MADD: variants seen among roughly 807,000 people sequenced by gnomAD.
MADD encodes MAP kinase-activating death domain protein.
MADD carries 109 observed loss-of-function variants against 176.7 expected under a neutral mutation model. The ratio of observed to expected loss-of-function variants is 0.62; its 90% CI spans 0.53 to 0.72. The LOEUF (loss-of-function observed/expected upper bound fraction) is 0.72, where lower values mean the gene tolerates loss of function less well. MADD is among the 30% of genes least tolerant of loss of function. MADD has a pLI of 0.00. For synonymous variants in MADD, 771 were observed against 771.3 expected (o/e 1.00, Z 0.01); for missense variants, 1,914 against 2,045.5 (o/e 0.94, Z 1.24).
chr11:47,295,217 G>T (rs1488375065), intron 20 of MADD, among the ~76,000 whole-genome samples: 2 of 152,000 alleles, frequency 1.3e-5, no homozygotes, highest in African/African-American at 2.4e-5. Flanking sequence ...TCGCCATGTT[G>T]CCCAGCCTGG....
At chr11:47,290,408 C>T in intron 18 of MADD, 109 bp downstream of exon 19, 1 of 1,424,642 alleles carries the variant, frequency 7.0e-7, no homozygotes, top group Non-Finnish European at 9.4e-7. Context: ...CACGCTGCTT[C>T]CCATTAGGCT....
chr11:47,329,851 G>C (rs942284511), exon 33 of MADD: 1 of 152,604 alleles, frequency 6.6e-6, no homozygotes, highest in Non-Finnish European at 1.5e-5. Flanking sequence ...CATCAGGGAG[G>C]GGGCAGGAAA....
chr11:47,280,299 G>A (rs1405079092), intron 7 of MADD, among the ~76,000 whole-genome samples: 1 of 152,102 alleles, frequency 6.6e-6, no homozygotes, highest in African/African-American at 2.4e-5. Flanking sequence ...CTTTTTCTGT[G>A]TTGTCTGAAG....
At chr11:47,326,833 T>G in intron 31 of MADD, 26 bp downstream of exon 35, 1 of 1,613,670 alleles carries the variant, frequency 6.2e-7, no homozygotes. Context: ...TGCTCTTAGG[T>G]CTGGACTCAC....
chr11:47,329,197 C>T, exon 33 of MADD: 1 of 1,433,646 alleles, frequency 7.0e-7, no homozygotes. Context: ...CGCCCCTGGC[C>T]CCTTGCTGTT....
intron 27 of MADD, among the ~76,000 whole-genome samples, chr11:47,315,935 A>C (rs2092725388): frequency 6.6e-6 from 1 of 150,574 alleles, no homozygotes; most frequent in Admixed American, 6.7e-5. Context: ...AGGTTCAAGC[A>C]ATTCTCCTGC....
chr11:47,283,935 A>G (rs998518911), intron 10 of MADD, among the ~76,000 whole-genome samples: 3 of 152,172 alleles, frequency 2.0e-5, no homozygotes, highest in Non-Finnish European at 2.9e-5. Context: ...CTCAAACTCC[A>G]GACCTCAGGT....
rs1394338663 is a variant in MADD, at chr11:47,309,617, T to C, written c.3978+5T>C. ...TCCTACATGCTGCTGATGAAGGTAA[T>C]GTCAATTTTGCTGTGTCCAGCTCCG... On this transcript the variant is annotated splice_donor_5th_base_variant and intron_variant, in intron 25 of 32. Transcript: ENST00000402192. 3.7e-6 allele frequency: 6 copies of C among 1,609,500 alleles called. No individual in the cohort carries two copies. The Admixed American group carries it at 1.0e-4, about 27-fold the overall frequency.
intron 22 of MADD, among the ~76,000 whole-genome samples, chr11:47,303,836 G>A (rs374197094): frequency 3.9e-4 from 58 of 150,206 alleles, no homozygotes; most frequent in African/African-American, 1.4e-3. Flanking sequence ...TCGAACTCCT[G>A]ACTTCAAATG....
intron 15 of MADD, among the ~76,000 whole-genome samples, chr11:47,287,512 T>C (rs61896050): frequency 0.39 from 59,456 of 151,836 alleles, 12,499 homozygotes; most frequent in East Asian, 0.69. Context: ...CAGGCTCAAG[T>C]GATTCACATG....
intron 22 of MADD, among the ~76,000 whole-genome samples, chr11:47,307,917 C>T (rs1461884288): frequency 6.6e-6 from 1 of 152,224 alleles, no homozygotes; most frequent in Admixed American, 6.5e-5. Flanking sequence ...ATCCCAACCA[C>T]CTTGGCCTCC....
In MADD at chr11:47,278,244, A is replaced by G. The variant is rs770480610; in HGVS notation, c.1175A>G (p.Asp392Gly). Residue 392 changes from aspartate to glycine, a missense_variant, in exon 6 of 33, where the codon GAT (aspartate) becomes GGT (glycine). Asp to Gly is a moderately conservative substitution (Grantham distance 94). Around this residue, in one of 2 missense-constraint regions of MADD, gnomAD observed 1,767 missense variants for 1,836.0 expected, o/e 0.96. Transcript: ENST00000402192. ...TACAAACTGGACTTCAAAATGCCTG[A>G]TGATGTATGGCTAGTGGATCTGGAC... 3 of 1,614,084 alleles carry G rather than the reference A, an allele frequency of 1.9e-6. No homozygotes were observed. The South Asian group carries it at 3.3e-5, about 18-fold the overall frequency.
Position 47,323,880 on chromosome 11 carries a change from A to G in MADD, c.4362+45A>G, listed in dbSNP as rs111743806. The G allele has an allele frequency of 1.2e-3, 1,857 of 1,584,344 alleles. 22 individuals carry two copies. The African/African-American group carries it at 0.021, about 18-fold the overall frequency. Reference sequence around the variant, plus strand: ...GGGTTGGGGCTAGTAGGCATTGAAGACCAAATAGTGAATTTCTCTTTGGGA... The same window carrying G: ...GGGTTGGGGCTAGTAGGCATTGAAGGCCAAATAGTGAATTTCTCTTTGGGA... On this transcript the variant is annotated intron_variant, in intron 28 of 32. Coordinates refer to ENST00000402192, the Ensembl canonical transcript of MADD.
chr11:47,284,207 C>T, exon 11 of MADD: 1 of 1,613,966 alleles, frequency 6.2e-7, no homozygotes, highest in Non-Finnish European at 8.5e-7. Flanking sequence ...TATGACGATT[C>T]AAGCTCTTCT....
intron 15 of MADD, 38 bp from the exon 16 acceptor site, chr11:47,288,930 T>C (rs527594028): frequency 4.0e-6 from 6 of 1,481,500 alleles, no homozygotes; most frequent in African/African-American, 1.4e-5. Context: ...GGTTGCGGTA[T>C]TGTGGTACAC....
chr11:47,301,058 A>G (rs1197299772), intron 22 of MADD, among the ~76,000 whole-genome samples: 1 of 147,044 alleles, frequency 6.8e-6, no homozygotes, highest in Non-Finnish European at 1.5e-5. Flanking sequence ...TCTAGCTCTA[A>G]TGGTTTGTGG....
intron 15 of MADD, among the ~76,000 whole-genome samples, chr11:47,288,177 C>T (rs2062195131): frequency 6.6e-6 from 1 of 152,148 alleles, no homozygotes; most frequent in South Asian, 2.1e-4. Context: ...GTCATCCTAG[C>T]TACTTGTTAG....
At chr11:47,288,846 A>T in intron 15 of MADD, 122 bp from the exon 16 acceptor site, 1 of 758,452 alleles carries the variant, frequency 1.3e-6, no homozygotes, top group Non-Finnish European at 2.2e-6. Context: ...CCAAGAACCA[A>T]GGTTATGTGC....
At chr11:47,291,242 T>G (rs567265470) in intron 19 of MADD, among the ~76,000 whole-genome samples, 66 of 152,306 alleles carry the variant, frequency 4.3e-4, no homozygotes, top group African/African-American at 1.5e-3. Context: ...ACCATTATAC[T>G]CCTCTGGAAT....
Sources: gnomAD v4.1 joint callset for allele counts (sites outside exome capture counted in the v4.1 genomes callset) on GRCh38, gnomAD v4.1.1 for gene constraint, gnomAD v4.1.1 regional missense constraint, MANE v1.5 for transcripts, NCBI Gene and HGNC (gene_info 2026-07-23, HGNC 2026-07-21) for gene names.